The following SMAP1 variants were observed in gnomAD, a reference collection of about 807,000 sequenced individuals.
The protein encoded by SMAP1 is stromal membrane-associated protein 1.
SMAP1 carries 24 observed loss-of-function variants against 58.5 expected under a neutral mutation model. That is an observed-to-expected ratio of 0.41 (90% CI 0.30 to 0.58). The LOEUF (loss-of-function observed/expected upper bound fraction) is 0.58, where lower values mean the gene tolerates loss of function less well. Ranked by LOEUF, SMAP1 falls within the 20% of genes least tolerant of loss-of-function variation. The pLI is 0.29. For missense variants in SMAP1, 563 were observed against 566.3 expected (o/e 0.99, Z 0.06); for synonymous variants, 216 against 196.6 (o/e 1.10, Z -0.82).
chr6:70,755,390 G>A (rs943516154), intron 3 of SMAP1, among the ~76,000 whole-genome samples: 2 of 152,002 alleles, frequency 1.3e-5, no homozygotes, highest in African/African-American at 4.8e-5. Context: ...GGTAGAAACT[G>A]TACTTTGAGT....
intron 1 of SMAP1, among the ~76,000 whole-genome samples, chr6:70,692,191 G>C (rs1387096785): frequency 6.6e-6 from 1 of 152,200 alleles, no homozygotes; most frequent in Admixed American, 6.5e-5. Flanking sequence ...AATCAGTGAT[G>C]TTGAGCACCT....
At chr6:70,688,300 A>T (rs1053456898) in intron 1 of SMAP1, among the ~76,000 whole-genome samples, 1 of 151,988 alleles carries the variant, frequency 6.6e-6, no homozygotes, top group Non-Finnish European at 1.5e-5. Context: ...GTAGGTTTTT[A>T]TTTCTCTGAT....
At chr6:70,765,944 G>A (rs1766959137) in intron 3 of SMAP1, among the ~76,000 whole-genome samples, 1 of 133,114 alleles carries the variant, frequency 7.5e-6, no homozygotes, top group East Asian at 2.2e-4. Flanking sequence ...CCCTTCCTGT[G>A]TCCATGTGTT....
chr6:70,750,654 G>T (rs1487459589), intron 2 of SMAP1, among the ~76,000 whole-genome samples: 2 of 152,188 alleles, frequency 1.3e-5, no homozygotes, highest in Admixed American at 6.5e-5. Context: ...TCCAAGTGAT[G>T]TGATGCTTTG....
intron 5 of SMAP1, among the ~76,000 whole-genome samples, chr6:70,792,982 C>T (rs1383448941): frequency 6.6e-6 from 1 of 152,000 alleles, no homozygotes; most frequent in South Asian, 2.1e-4. Context: ...GGACATGTTC[C>T]AAAGTAGTAA....
chr6:70,762,160 A>C (rs9346399), intron 3 of SMAP1, among the ~76,000 whole-genome samples: 124,540 of 152,070 alleles, frequency 0.82, 51,673 homozygotes, highest in East Asian at 1. Context: ...AGACACATGT[A>C]CCCCTAATAA....
intron 1 of SMAP1, 81 bp from the exon 2 acceptor site, chr6:70,732,297 C>G (rs977870115): frequency 4.1e-5 from 58 of 1,417,134 alleles, no homozygotes; most frequent in Admixed American, 2.1e-4. Flanking sequence ...TATATAAAAC[C>G]GAGAATGCTT....
chr6:70,743,003 T>G (rs1208011002), intron 2 of SMAP1, among the ~76,000 whole-genome samples: 1 of 152,194 alleles, frequency 6.6e-6, no homozygotes, highest in Admixed American at 6.5e-5. Context: ...CTGAGAATTA[T>G]GGGAGCTACA....
chr6:70,725,094 T>G (rs1464448933), intron 1 of SMAP1, among the ~76,000 whole-genome samples: 4 of 3,722 alleles, frequency 1.1e-3, no homozygotes, highest in East Asian at 0.013. Flanking sequence ...TTAACCAGTG[T>G]TTTTTTTTTT....
At position 70,837,139 on chromosome 6, in the gene SMAP1, T is replaced by C. The variant is rs1770622653; in HGVS notation, c.664+111T>C. 4.3e-6 allele frequency: 3 copies of C among 695,836 alleles called. No individual in the cohort carries two copies. The East Asian group carries it at 9.8e-5, about 23-fold the overall frequency. 43.1% of individuals were successfully genotyped at this position (695,836 alleles called of 1,614,324 possible). ...AGTATGCCAAAACGTACCTGTTAAC[T>C]GAATTTGAAAATGGTATGATTAGTT... On this transcript the variant is annotated intron_variant, in intron 7 of 10. Coordinates refer to ENST00000370455, the MANE Select transcript of SMAP1 (RefSeq NM_001044305.3).
intron 6 of SMAP1, among the ~76,000 whole-genome samples, chr6:70,832,055 C>T (rs12215467): frequency 0.45 from 68,087 of 151,972 alleles, 15,832 homozygotes; most frequent in Non-Finnish European, 0.52. Flanking sequence ...TTGTTGGCTA[C>T]GTGTATGTTT....
At chr6:70,757,491 A>G (rs1351985433) in intron 3 of SMAP1, among the ~76,000 whole-genome samples, 6 of 152,110 alleles carry the variant, frequency 3.9e-5, no homozygotes, top group Non-Finnish European at 4.4e-5. Context: ...ACCAACAGCA[A>G]TGGCAACAAA....
At chr6:70,800,687 C>T (rs1768804941) in intron 6 of SMAP1, among the ~76,000 whole-genome samples, 2 of 149,804 alleles carry the variant, frequency 1.3e-5, no homozygotes, top group African/African-American at 4.9e-5. Flanking sequence ...CCCTGACAGG[C>T]CCTGGTGTGT....
At chr6:70,744,684 A>G (rs564368668) in intron 2 of SMAP1, among the ~76,000 whole-genome samples, 1 of 152,348 alleles carries the variant, frequency 6.6e-6, no homozygotes, top group East Asian at 1.9e-4. Flanking sequence ...TTGGGTATAT[A>G]CCCAGTAATG....
At chr6:70,745,410 G>A (rs1401410745) in intron 2 of SMAP1, among the ~76,000 whole-genome samples, 2 of 152,092 alleles carry the variant, frequency 1.3e-5, no homozygotes, top group East Asian at 1.9e-4. Context: ...AGTTTTCCCA[G>A]CACCATTTAT....
intron 2 of SMAP1, among the ~76,000 whole-genome samples, chr6:70,754,715 G>A (rs552132698): frequency 2.0e-5 from 3 of 152,162 alleles, no homozygotes; most frequent in South Asian, 4.1e-4. Flanking sequence ...AAGTGTAAAG[G>A]TGGTACTGTT....
chr6:70,755,091 G>T (rs1766432076), intron 3 of SMAP1, 26 bp downstream of exon 3: 1 of 1,545,872 alleles, frequency 6.5e-7, no homozygotes, highest in South Asian at 1.2e-5. Context: ...TATTTGTTTT[G>T]AGTTTAAAAA....
At chr6:70,738,429 C>G (rs999369291) in intron 2 of SMAP1, among the ~76,000 whole-genome samples, 2 of 144,828 alleles carry the variant, frequency 1.4e-5, no homozygotes, top group African/African-American at 5.1e-5. Flanking sequence ...TGTTTTTGAA[C>G]ACACTTGCTG....
chr6:70,678,598 C>T (rs890002886), intron 1 of SMAP1, among the ~76,000 whole-genome samples: 1 of 152,136 alleles, frequency 6.6e-6, no homozygotes, highest in African/African-American at 2.4e-5. Context: ...TAAAACAATA[C>T]CAATTTATCA....
Sources: allele counts gnomAD v4.1 joint callset (sites outside exome capture counted in the v4.1 genomes callset), GRCh38; gene constraint gnomAD v4.1.1; transcripts MANE v1.5; gene names NCBI Gene and HGNC (gene_info 2026-07-23, HGNC 2026-07-21).